The following GPC5 variants were observed in gnomAD, a reference collection of about 807,000 sequenced individuals.
The protein encoded by GPC5 is glypican-5.
In GPC5, 47 loss-of-function variants were observed where a neutral mutation model predicts 53.9. The observed-to-expected ratio is 0.87, with a 90% CI of 0.69 to 1.11. GPC5 has a LOEUF of 1.11. Among genes scored for constraint, GPC5 ranks in the 50% most tolerant of loss-of-function variants. GPC5 has a pLI of 0.00. For synonymous variants in GPC5, 286 were observed against 263.3 expected, an observed-to-expected ratio of 1.09 and a Z score of -0.84; for missense variants, 748 against 713.1, an observed-to-expected ratio of 1.05 and a Z score of -0.56.
chr13:92,791,006 A>AT (rs1876441632), intron 7 of GPC5, among the ~76,000 whole-genome samples: 1 of 152,144 alleles, frequency 6.6e-6, no homozygotes, highest in African/African-American at 2.4e-5. Context: ...AATTCTTATA[A>AT]TTTAAGATAC....
At position 91,475,668 on chromosome 13, in the gene GPC5, G is replaced by A. The variant is rs138570563; in HGVS notation, c.325+26746G>A. ...GGATGTGTGTAGAACTCTTCCTGGT[G>A]TATCCATTTTGGGGCCCAGATGAAG... On this transcript the variant is annotated intron_variant, in intron 2 of 7. Coordinates refer to ENST00000377067, the MANE Select transcript of GPC5 (RefSeq NM_004466.6). 3.3e-3 allele frequency among the ~76,000 whole-genome samples: 502 copies of A among 152,084 alleles called. 2 individuals are homozygous for A. Among genetic ancestry groups the A allele is most frequent in the African/African-American group, 0.012 (486 of 41,472 alleles).
chr13:92,282,482 A>G (rs901237332), intron 7 of GPC5, among the ~76,000 whole-genome samples: 2 of 152,196 alleles, frequency 1.3e-5, no homozygotes, highest in Non-Finnish European at 2.9e-5. Context: ...AAAAAATGTT[A>G]AGGGCAGCAA....
At chr13:92,579,322 C>CCTCCCT (rs1308568968) in intron 7 of GPC5, among the ~76,000 whole-genome samples, 1 of 95,934 alleles carries the variant, frequency 1.0e-5, no homozygotes, top group African/African-American at 4.4e-5. Flanking sequence ...TCCCTCCCTC[C>CCTCCCT]CTCTCTCTCT....
intron 6 of GPC5, among the ~76,000 whole-genome samples, chr13:92,004,458 T>TTATATATATATA (rs58376767): frequency 0.022 from 1,846 of 82,288 alleles, 86 homozygotes; most frequent in African/African-American, 0.03. Flanking sequence ...AAAAAAAAAA[T>TTATATATATATA]TATATATATA....
At chr13:91,723,773 T>C (rs2036523137) in intron 3 of GPC5, among the ~76,000 whole-genome samples, 1 of 152,214 alleles carries the variant, frequency 6.6e-6, no homozygotes, top group African/African-American at 2.4e-5. Context: ...AGCAGATCTT[T>C]CTAAAACAGG....
At chr13:91,584,153 C>G (rs2032473891) in intron 2 of GPC5, among the ~76,000 whole-genome samples, 2 of 152,256 alleles carry the variant, frequency 1.3e-5, no homozygotes, top group South Asian at 4.1e-4. Context: ...GCCGAAGAAA[C>G]CAGTCCTGAA....
At chr13:92,009,609 A>G (rs1364463193) in intron 6 of GPC5, among the ~76,000 whole-genome samples, 1 of 152,162 alleles carries the variant, frequency 6.6e-6, no homozygotes, top group Non-Finnish European at 1.5e-5. Context: ...TAAAGAACCC[A>G]GTGCAGATTT....
intron 7 of GPC5, among the ~76,000 whole-genome samples, chr13:92,227,206 G>T (rs962937025): frequency 2.0e-5 from 3 of 152,134 alleles, no homozygotes; most frequent in African/African-American, 7.2e-5. Context: ...TCTACCACTT[G>T]GTAGAGTGAT....
chr13:92,573,816 C>T (rs1883108865), intron 7 of GPC5, among the ~76,000 whole-genome samples: 1 of 152,132 alleles, frequency 6.6e-6, no homozygotes, highest in Non-Finnish European at 1.5e-5. Context: ...CTGCATATTC[C>T]AGTTGTCATC....
chr13:91,840,745 TA>T (rs869090986), intron 5 of GPC5, among the ~76,000 whole-genome samples: 3 of 150,100 alleles, frequency 2.0e-5, no homozygotes, highest in Non-Finnish European at 4.4e-5. Context: ...TTCCTATTTT[TA>T]TTTTTTTTTT....
At chr13:92,222,213 G>T (rs2042454505) in intron 7 of GPC5, among the ~76,000 whole-genome samples, 1 of 152,140 alleles carries the variant, frequency 6.6e-6, no homozygotes. Flanking sequence ...GAGCACAGGA[G>T]GACCAGACTA....
At chr13:91,488,299 C>T (rs1385960250) in intron 2 of GPC5, among the ~76,000 whole-genome samples, 1 of 152,104 alleles carries the variant, frequency 6.6e-6, no homozygotes, top group Admixed American at 6.5e-5. Flanking sequence ...AATTTATAAA[C>T]TAACCCGCTT....
At chr13:92,354,008 C>G (rs1471554677) in intron 7 of GPC5, among the ~76,000 whole-genome samples, 1 of 152,096 alleles carries the variant, frequency 6.6e-6, no homozygotes, top group Non-Finnish European at 1.5e-5. Context: ...GCCTAATGTT[C>G]ACAGGAATAA....
chr13:91,804,425 A>G (rs2038187588), intron 5 of GPC5, among the ~76,000 whole-genome samples: 1 of 152,180 alleles, frequency 6.6e-6, no homozygotes, highest in Non-Finnish European at 1.5e-5. Flanking sequence ...TACAATCATG[A>G]CATTGGTTTT....
chr13:92,168,784 G>C (rs1401239039), intron 7 of GPC5, among the ~76,000 whole-genome samples: 1 of 152,114 alleles, frequency 6.6e-6, no homozygotes, highest in Non-Finnish European at 1.5e-5. Context: ...CAGTTCCTCA[G>C]AGACCTAGAG....
chr13:91,470,850 C>T (rs114039964), intron 2 of GPC5, among the ~76,000 whole-genome samples: 2 of 152,144 alleles, frequency 1.3e-5, no homozygotes, highest in African/African-American at 4.8e-5. Flanking sequence ...TAATTTGGTT[C>T]CTGCTGTGTG....
rs1491151843 is a variant in GPC5, at chr13:92,527,194, A to AGAAAG, written c.1562-339088_1562-339087insGAAAG. ...AAAGAGAAAGAAAGAAGAAAGAAAGAAAGAAAGAAAGAAAGAAAGAAAGAA... is the reference window on the plus strand; with the variant it reads ...AAAGAGAAAGAAAGAAGAAAGAAAGAGAAAGAAGAAAGAAAGAAAGAAAGAAAGAA... On this transcript the variant is annotated intron_variant, in intron 7 of 7. Coordinates refer to ENST00000377067, the MANE Select transcript of GPC5 (RefSeq NM_004466.6). 4.5e-3 allele frequency among the ~76,000 whole-genome samples: 108 copies of AGAAAG among 23,966 alleles called. 11 individuals carry two copies. The highest frequency in any genetic ancestry group is 0.011 in the South Asian group (5 of 466). 15.7% of individuals were successfully genotyped at this position (23,966 alleles called of 152,430 possible).
At chr13:92,538,534 A>G (rs985451758) in intron 7 of GPC5, among the ~76,000 whole-genome samples, 2 of 146,056 alleles carry the variant, frequency 1.4e-5, no homozygotes, top group African/African-American at 5.1e-5. Flanking sequence ...ACATAGGTAT[A>G]CATGTGCCAT....
intron 7 of GPC5, among the ~76,000 whole-genome samples, chr13:92,792,890 C>A (rs950923925): frequency 6.6e-6 from 1 of 152,006 alleles, no homozygotes; most frequent in Non-Finnish European, 1.5e-5. Context: ...TAAAGCAAGT[C>A]CTTAGAGACC....
Sources: allele counts gnomAD v4.1 joint callset (sites outside exome capture counted in the v4.1 genomes callset), GRCh38; gene constraint gnomAD v4.1.1; transcripts MANE v1.5; gene names NCBI Gene and HGNC (gene_info 2026-07-23, HGNC 2026-07-21).